The following RPGRIP1L variants were observed in gnomAD, a reference collection of about 807,000 sequenced individuals.
RPGRIP1L encodes the protein protein fantom.
In RPGRIP1L, 131 loss-of-function variants were observed where a neutral mutation model predicts 160.4. The observed-to-expected ratio is 0.82, with a 90% CI of 0.71 to 0.94. The LOEUF (loss-of-function observed/expected upper bound fraction) is 0.94, where lower values mean the gene tolerates loss of function less well. RPGRIP1L is among the 40% of genes least tolerant of loss of function. The pLI is 0.00. For missense variants in RPGRIP1L, 1,522 were observed against 1,535.8 expected (o/e 0.99, Z 0.15); for synonymous variants, 510 against 515.8 (o/e 0.99, Z 0.15).
intron 22 of RPGRIP1L, among the ~76,000 whole-genome samples, chr16:53,629,899 T>C (rs1965416283): frequency 6.6e-6 from 1 of 152,210 alleles, no homozygotes; most frequent in Non-Finnish European, 1.5e-5. Flanking sequence ...ACAGGGGCCA[T>C]TGTTTGCTGA....
At chr16:53,654,403 C>T (rs1967078986) in intron 14 of RPGRIP1L, among the ~76,000 whole-genome samples, 1 of 152,096 alleles carries the variant, frequency 6.6e-6, no homozygotes, top group African/African-American at 2.4e-5. Context: ...GGCATCTTTC[C>T]CTGCTTTACT....
chr16:53,700,598 G>C (rs1971320858), intron 2 of RPGRIP1L, 41 bp downstream of exon 2: 2 of 1,462,316 alleles, frequency 1.4e-6, no homozygotes, highest in African/African-American at 2.8e-5. Flanking sequence ...AGTAGTCAGT[G>C]ATCAAAGTTC....
intron 24 of RPGRIP1L, among the ~76,000 whole-genome samples, chr16:53,611,434 G>A (rs930637960): frequency 6.6e-6 from 1 of 152,214 alleles, no homozygotes; most frequent in African/African-American, 2.4e-5. Flanking sequence ...ATAATGTATG[G>A]CAGACTGCTT....
intron 3 of RPGRIP1L, chr16:53,695,391 T>C (rs1325807554): frequency 1.4e-6 from 1 of 702,938 alleles, no homozygotes; most frequent in Admixed American, 2.0e-5. Flanking sequence ...ACCACCTCCT[T>C]AGGATGGATT....
intron 26 of RPGRIP1L, among the ~76,000 whole-genome samples, chr16:53,604,686 T>C (rs1178477699): frequency 6.6e-6 from 1 of 152,238 alleles, no homozygotes. Flanking sequence ...GGATCAAAGC[T>C]ACTTCCTTGC....
chr16:53,679,952 C>T (rs1017878441), intron 6 of RPGRIP1L, among the ~76,000 whole-genome samples: 1 of 152,152 alleles, frequency 6.6e-6, no homozygotes, highest in Non-Finnish European at 1.5e-5. Flanking sequence ...GGAAACAACA[C>T]TCAAATCTCG....
intron 5 of RPGRIP1L, 123 bp from the exon 6 acceptor site, chr16:53,686,699 G>A (rs1426663368): frequency 1.2e-6 from 1 of 852,632 alleles, no homozygotes; most frequent in Non-Finnish European, 1.9e-6. Context: ...TAGCTTAAGT[G>A]CCTCTGCACA....
At chr16:53,667,741 C>T (rs1291283425) in intron 9 of RPGRIP1L, among the ~76,000 whole-genome samples, 1 of 151,968 alleles carries the variant, frequency 6.6e-6, no homozygotes, top group Non-Finnish European at 1.5e-5. Context: ...GGTGTGGTGA[C>T]AAACACATGT....
rs571786036 is a variant in RPGRIP1L at position 53,636,031 on chromosome 16, T to C, written c.3294+408A>G. 9.1e-4 allele frequency among the ~76,000 whole-genome samples: 139 copies of C among 152,302 alleles called. 2 individuals are homozygous for C. In the Middle Eastern group the frequency reaches 0.01, roughly 11 times the overall value. On this transcript the variant is annotated intron_variant, in intron 22 of 26. Coordinates refer to ENST00000647211, the MANE Select transcript of RPGRIP1L (RefSeq NM_015272.5). Reference sequence around the variant, plus strand: ...AACTGTAACATATTATCAGTGGATATATCTAGGTAAGAGTAGTCTATGAAT... The same window carrying C: ...AACTGTAACATATTATCAGTGGATACATCTAGGTAAGAGTAGTCTATGAAT...
intron 6 of RPGRIP1L, among the ~76,000 whole-genome samples, chr16:53,679,525 G>A (rs184192261): frequency 6.6e-5 from 10 of 151,708 alleles, no homozygotes; most frequent in Admixed American, 3.3e-4. Context: ...CTCAGCCTCC[G>A]GAGTAGCTGG....
chr16:53,671,602 T>G lies in RPGRIP1L; in HGVS notation c.1030-19A>C. 7.6e-7 allele frequency: 1 copy of G among 1,313,252 alleles called. No individual in the cohort carries two copies. Among genetic ancestry groups the G allele is most frequent in the Non-Finnish European group, 1.1e-6 (1 of 923,264 alleles). The allele number at this position is 1,313,252 out of a possible 1,614,324, so 81.3% of individuals were successfully genotyped here. ...CCTGCAGCTAAAATGAAAATAAAAT[T>G]ACATATTAAGTAAATATTATATAAA... On this transcript the variant is annotated intron_variant, in intron 8 of 26. Transcript: ENST00000647211.
intron 2 of RPGRIP1L, among the ~76,000 whole-genome samples, chr16:53,698,382 C>G (rs1220086729): frequency 1.4e-5 from 2 of 143,954 alleles, no homozygotes; most frequent in Admixed American, 6.7e-5. Context: ...GTCAGCCCCC[C>G]GCCCGGCCAG....
At chr16:53,603,960 T>G (rs1170813503) in intron 26 of RPGRIP1L, among the ~76,000 whole-genome samples, 1 of 152,138 alleles carries the variant, frequency 6.6e-6, no homozygotes, top group African/African-American at 2.4e-5. Context: ...TTATGTCAGA[T>G]CAGTGGGTCA....
In RPGRIP1L at chr16:53,692,179, T is replaced by G; in HGVS notation, c.416A>C (p.Gln139Pro). 1 of 1,614,190 alleles carries G rather than the reference T, an allele frequency of 6.2e-7. No homozygotes were observed. The highest frequency in any genetic ancestry group is 8.5e-7 in the Non-Finnish European group (1 of 1,180,036). The change falls in exon 4 of 27, where the codon CAA (glutamine) becomes CCA (proline). Residue 139 changes from glutamine to proline, a missense_variant. Transcript: ENST00000647211. ...TTGCCTGTAACCCTGGGTTTGAAGT[T>G]GCTGTTTGGCTGAAATCAGTCTGTT... ...LKNRLISAKQQLQTQGYRQTP... is the reference protein window; with the variant it reads ...LKNRLISAKQPLQTQGYRQTP...
chr16:53,659,639 T>C (rs1187246196), intron 10 of RPGRIP1L: 1 of 152,236 alleles, frequency 6.6e-6, no homozygotes, highest in African/African-American at 2.4e-5. Context: ...TCTCAGCACT[T>C]TGGGAGGCTG....
intron 6 of RPGRIP1L, among the ~76,000 whole-genome samples, chr16:53,675,333 C>T (rs1302509804): frequency 1.3e-5 from 2 of 152,026 alleles, no homozygotes; most frequent in East Asian, 1.9e-4. Context: ...CTTTCATAAC[C>T]TTGAACTCAC....
Position 53,601,996 on chromosome 16 carries a change from A to G in RPGRIP1L, c.*80T>C, listed in dbSNP as rs936698199. 8.5e-6 allele frequency: 7 copies of G among 822,620 alleles called. No homozygotes were observed. The Admixed American group carries it at 1.4e-4, about 16-fold the overall frequency. 51.0% of individuals were successfully genotyped at this position (822,620 alleles called of 1,614,324 possible). On this transcript the variant is annotated 3_prime_UTR_variant, in exon 27 of 27. Coordinates refer to ENST00000647211, the MANE Select transcript of RPGRIP1L (RefSeq NM_015272.5). Reference sequence around the variant, plus strand: ...ATGAATTATAGATTATATACACCAGAGTAATTACAAAAATCTCATGTAGGA... The same window carrying G: ...ATGAATTATAGATTATATACACCAGGGTAATTACAAAAATCTCATGTAGGA...
At chr16:53,617,902 G>A (rs1964478206) in intron 24 of RPGRIP1L, among the ~76,000 whole-genome samples, 1 of 152,158 alleles carries the variant, frequency 6.6e-6, no homozygotes, top group Non-Finnish European at 1.5e-5. Context: ...AAAAATAGTA[G>A]TGATGAACTA....
At chr16:53,626,091 T>C (rs756239418) in intron 22 of RPGRIP1L, among the ~76,000 whole-genome samples, 5 of 140,420 alleles carry the variant, frequency 3.6e-5, no homozygotes, top group Non-Finnish European at 7.5e-5. Flanking sequence ...TATTGTCCTA[T>C]GACCCTGTCA....
Sources: gnomAD v4.1 joint callset for allele counts (sites outside exome capture counted in the v4.1 genomes callset) on GRCh38, gnomAD v4.1.1 for gene constraint, MANE v1.5 for transcripts, NCBI Gene and HGNC (gene_info 2026-07-23, HGNC 2026-07-21) for gene names.